The following ANTXR1 variants were observed in gnomAD, a reference collection of about 807,000 sequenced individuals.
ANTXR1 encodes ANTXR cell adhesion molecule 1, also known as anthrax toxin receptor 1.
ANTXR1 carries 19 observed loss-of-function variants against 78.1 expected under a neutral mutation model. The observed-to-expected ratio is 0.24, with a 90% confidence interval of 0.17 to 0.36. The LOEUF (loss-of-function observed/expected upper bound fraction) is 0.36. Among genes scored for constraint, ANTXR1 ranks in the 10% least tolerant of loss-of-function variants. The pLI, the probability that ANTXR1 is intolerant of heterozygous loss-of-function variation, is 1.00. For synonymous variants in ANTXR1, 273 were observed against 260.5 expected, an observed-to-expected ratio of 1.05 and a Z score of -0.46; for missense variants, 518 against 718.6, an observed-to-expected ratio of 0.72 and a Z score of 3.19.
chr2:69,147,645 T>A (rs1466043867), intron 12 of ANTXR1, among the ~76,000 whole-genome samples: 1 of 152,240 alleles, frequency 6.6e-6, no homozygotes, highest in African/African-American at 2.4e-5. Context: ...AAATCTGAAG[T>A]TATAGTGTAA....
chr2:69,105,170 G>A (rs1470119285), intron 10 of ANTXR1, among the ~76,000 whole-genome samples: 3 of 152,096 alleles, frequency 2.0e-5, no homozygotes, highest in East Asian at 3.9e-4. Context: ...AACTTCTTTG[G>A]GAAATTTTAT....
At chr2:69,115,681 A>G (rs1013040979) in intron 10 of ANTXR1, among the ~76,000 whole-genome samples, 1 of 152,214 alleles carries the variant, frequency 6.6e-6, no homozygotes, top group Non-Finnish European at 1.5e-5. Context: ...CTGGGTATCT[A>G]TAGAATATAG....
At chr2:69,239,294 T>A (rs1675842225) in intron 17 of ANTXR1, among the ~76,000 whole-genome samples, 2 of 152,148 alleles carry the variant, frequency 1.3e-5, no homozygotes, top group Non-Finnish European at 2.9e-5. Flanking sequence ...GGAGGCCAGG[T>A]GCGGTGGCTC....
At chr2:69,089,489 C>T (rs1055551272) in intron 8 of ANTXR1, among the ~76,000 whole-genome samples, 2 of 152,182 alleles carry the variant, frequency 1.3e-5, no homozygotes, top group Non-Finnish European at 2.9e-5. Context: ...GAACTAAGTC[C>T]ACTCTAGCAA....
intron 8 of ANTXR1, among the ~76,000 whole-genome samples, chr2:69,090,157 T>G (rs1036806847): frequency 6.6e-6 from 1 of 151,736 alleles, no homozygotes; most frequent in Non-Finnish European, 1.5e-5. Flanking sequence ...TTCCAGACTT[T>G]CCAAGCAAAA....
intron 13 of ANTXR1, among the ~76,000 whole-genome samples, chr2:69,155,824 C>T (rs935993389): frequency 5.9e-5 from 9 of 152,120 alleles, no homozygotes; most frequent in Admixed American, 5.2e-4. Context: ...GAAAGGCCAT[C>T]GTATCCTGCC....
chr2:69,102,472 C>T (rs1205425202), intron 9 of ANTXR1, among the ~76,000 whole-genome samples: 1 of 152,114 alleles, frequency 6.6e-6, no homozygotes, highest in Admixed American at 6.5e-5. Context: ...AGTGGAGGAC[C>T]CCTCCCCTGT....
In ANTXR1 at chr2:69,193,381, G is replaced by A. The variant is rs775313544; in HGVS notation, c.1400G>A (p.Arg467His). Residue 467 changes from arginine to histidine, a missense_variant, in exon 17 of 18, where the codon CGT (arginine) becomes CAT (histidine). Coordinates refer to ENST00000303714, the MANE Select transcript of ANTXR1 (RefSeq NM_032208.3). The stretch of plus-strand genomic sequence containing the variant: ...GTCCTACTGAGGAAAGGATATGATC[G>A]TGTGTCTGTGATGCGTCCACAGCCA... ...LWVLLRKGYD[R>H]VSVMRPQPGD... The A allele has an allele frequency of 5.6e-6, 9 of 1,613,822 alleles. No individual in the cohort carries two copies. Among genetic ancestry groups the A allele is most frequent in the Non-Finnish European group, 5.9e-6 (7 of 1,179,894 alleles).
At chr2:69,225,413 G>A (rs995149248) in intron 17 of ANTXR1, among the ~76,000 whole-genome samples, 16 of 152,216 alleles carry the variant, frequency 1.1e-4, no homozygotes, top group Admixed American at 2.0e-4. Flanking sequence ...CCAGTAGGTT[G>A]AGGCTGCAGT....
Position 69,231,726 on chromosome 2 carries a change from C to T in ANTXR1, c.1435-13499C>T, listed in dbSNP as rs114389895. ...CAGAGGGCTTCTTCACTCCTTTGAC[C>T]GCCTTCATTGTACCTCAACAGGCCT... On this transcript the variant is annotated intron_variant, in intron 17 of 17. Transcript: ENST00000303714. Among the ~76,000 whole-genome samples the T allele has an allele frequency of 5.2e-3, 797 of 152,188 alleles. 3 individuals carry two copies. The highest frequency in any genetic ancestry group is 8.9e-3 in the Non-Finnish European group (606 of 67,998).
intron 13 of ANTXR1, among the ~76,000 whole-genome samples, chr2:69,168,213 G>T (rs1236846475): frequency 6.6e-6 from 1 of 152,186 alleles, no homozygotes; most frequent in African/African-American, 2.4e-5. Flanking sequence ...ATCAAGGTAA[G>T]AGACAAATAC....
chr2:69,219,833 T>A (rs1435412728), intron 17 of ANTXR1, among the ~76,000 whole-genome samples: 1 of 152,184 alleles, frequency 6.6e-6, no homozygotes. Context: ...TTGACTGAAG[T>A]GCCCACAGAC....
intron 16 of ANTXR1, among the ~76,000 whole-genome samples, chr2:69,190,340 G>A (rs1307420945): frequency 6.6e-6 from 1 of 152,204 alleles, no homozygotes; most frequent in Non-Finnish European, 1.5e-5. Flanking sequence ...TGGCTTGGGG[G>A]TAAGAGGAAA....
chr2:69,192,093 G>C (rs985274561), intron 16 of ANTXR1, among the ~76,000 whole-genome samples: 2 of 152,210 alleles, frequency 1.3e-5, no homozygotes, highest in African/African-American at 4.8e-5. Context: ...CATGGAGCTG[G>C]CATTCCAGGG....
chr2:69,024,388 A>G (rs572973211), intron 1 of ANTXR1, among the ~76,000 whole-genome samples: 1 of 152,348 alleles, frequency 6.6e-6, no homozygotes, highest in East Asian at 1.9e-4. Flanking sequence ...CAGGATTTTT[A>G]AATGCCCAGA....
At chr2:69,229,158 G>A (rs1675530863) in intron 17 of ANTXR1, among the ~76,000 whole-genome samples, 1 of 152,196 alleles carries the variant, frequency 6.6e-6, no homozygotes, top group African/African-American at 2.4e-5. Context: ...TCCCACTGGA[G>A]GCTGAGGCTT....
At chr2:69,157,782 T>G (rs1673567232) in intron 13 of ANTXR1, among the ~76,000 whole-genome samples, 1 of 152,238 alleles carries the variant, frequency 6.6e-6, no homozygotes, top group South Asian at 2.1e-4. Context: ...CCACCTGAAT[T>G]ATTTCAGCAA....
At chr2:69,209,123 C>T (rs1674978635) in intron 17 of ANTXR1, among the ~76,000 whole-genome samples, 1 of 152,184 alleles carries the variant, frequency 6.6e-6, no homozygotes, top group South Asian at 2.1e-4. Context: ...GCAACATCAT[C>T]ACAGAGAAGA....
At chr2:69,080,448 T>A (rs970051365) in intron 8 of ANTXR1, among the ~76,000 whole-genome samples, 1 of 152,352 alleles carries the variant, frequency 6.6e-6, no homozygotes, top group Admixed American at 6.5e-5. Flanking sequence ...GAGCAGCTTC[T>A]GATAAGCTCA....
Sources: gnomAD v4.1 joint callset for allele counts (sites outside exome capture counted in the v4.1 genomes callset) on GRCh38, gnomAD v4.1.1 for gene constraint, MANE v1.5 for transcripts, NCBI Gene and HGNC (gene_info 2026-07-23, HGNC 2026-07-21) for gene names.